The following STAB2 variants were observed in gnomAD, a reference collection of about 807,000 sequenced individuals.
STAB2 encodes stabilin-2.
Under a neutral mutation model 338.1 loss-of-function variants are expected in STAB2, and 288 were observed. That is an observed-to-expected ratio of 0.85 (90% CI 0.77 to 0.94). STAB2 has a LOEUF of 0.94. Ranked by LOEUF, STAB2 falls within the 40% of genes least tolerant of loss-of-function variation. STAB2 has a pLI of 0.00. For missense variants in STAB2, 3,141 were observed against 3,210.1 expected, an observed-to-expected ratio of 0.98 and a Z score of 0.52; for synonymous variants, 1,202 against 1,193.3, an observed-to-expected ratio of 1.01 and a Z score of -0.15.
intron 2 of STAB2, chr12:103,592,163 A>T (rs1360235650): frequency 1.3e-5 from 2 of 152,210 alleles, no homozygotes; most frequent in Admixed American, 1.3e-4. Context: ...GTTAGATTCT[A>T]ATACGATGAT....
chr12:103,630,265 G>A (rs1013922672), intron 5 of STAB2, among the ~76,000 whole-genome samples: 2 of 152,186 alleles, frequency 1.3e-5, no homozygotes, highest in Admixed American at 6.5e-5. Context: ...AGATCAAGGT[G>A]GGAGACAGAG....
intron 57 of STAB2, 43 bp downstream of exon 57, chr12:103,745,320 A>T (rs1349245544): frequency 6.4e-7 from 1 of 1,567,402 alleles, no homozygotes; most frequent in Admixed American, 1.7e-5. Context: ...CCAGGGCTGC[A>T]GTGGACACTG....
chr12:103,594,271 C>G, intron 2 of STAB2, 124 bp from the exon 3 acceptor site: 1 of 664,914 alleles, frequency 1.5e-6, no homozygotes, highest in Non-Finnish European at 2.6e-6. Context: ...CAAATGTGTT[C>G]CATCTAGATA....
At chr12:103,757,936 C>T (rs760208269) in intron 63 of STAB2, 51 of 563,808 alleles carry the variant, frequency 9.0e-5, no homozygotes, top group Non-Finnish European at 1.2e-4. Flanking sequence ...CAAGCAGCCA[C>T]GTGGAGGATG....
In STAB2 at chr12:103,652,699, C is replaced by T. The variant is rs73187902; in HGVS notation, c.1401C>T (p.Ser467=). ...LTGKSGEIFN[S]DKDNQIKLKL... ...GAAAGTCGGGGGAAATCTTCAACAG[C>T]GATAAGGTAAGGGTTCCTCTGATTT... is the stretch of plus-strand genomic sequence containing the variant. Residue 467 remains serine, a synonymous_variant, in exon 12 of 69, where the codon AGC becomes AGT. Coordinates refer to ENST00000388887, the MANE Select transcript of STAB2 (RefSeq NM_017564.10). 2.4e-3 allele frequency: 3,913 copies of T among 1,597,978 alleles called. 19 individuals carry two copies. Among genetic ancestry groups the T allele is most frequent in the Non-Finnish European group, 3.0e-3 (3,534 of 1,173,160 alleles).
At chr12:103,692,953 A>T in intron 31 of STAB2, 64 bp downstream of exon 31, 2 of 1,408,140 alleles carry the variant, frequency 1.4e-6, no homozygotes, top group Non-Finnish European at 9.8e-7. Context: ...ATCGTCCTAT[A>T]CAGCATTTTT....
rs1956844894 is a variant in STAB2 at position 103,594,401 on chromosome 12, C to T, written c.222C>T (p.Thr74=). 1 of 1,613,704 alleles carries T rather than the reference C, an allele frequency of 6.2e-7. No homozygotes were observed. Among genetic ancestry groups the T allele is most frequent in the Non-Finnish European group, 8.5e-7 (1 of 1,179,668 alleles). ...GSVGVRDCRY[T]FEVRTYSLSL... is the part of the protein sequence containing the mutation. ...CCTCTCTTTACCCTCCAAGGTACAC[C>T]TTTGAGGTCAGAACATACTCTCTGT... Residue 74 remains threonine, a synonymous_variant, in exon 3 of 69, where the codon ACC becomes ACT. Transcript: ENST00000388887.
At chr12:103,650,129 A>T (rs1040222770) in intron 10 of STAB2, among the ~76,000 whole-genome samples, 1 of 152,088 alleles carries the variant, frequency 6.6e-6, no homozygotes, top group Non-Finnish European at 1.5e-5. Context: ...GGCCCTGGAT[A>T]AAAACAAGGG....
In STAB2 at chr12:103,640,132, G is replaced by A. The variant is rs12319476; in HGVS notation, c.916G>A (p.Glu306Lys). 2,248 of 1,611,948 alleles carry A rather than the reference G, an allele frequency of 1.4e-3. 22 individuals carry two copies. The African/African-American group carries it at 0.023, about 16-fold the overall frequency. The change falls in exon 9 of 69, where the codon GAG becomes AAG. Residue 306 changes from glutamate to lysine, a missense_variant. Physicochemically the swap from Glu to Lys is moderately conservative, Grantham distance 56 (BLOSUM62 1). Transcript: ENST00000388887. Reference protein sequence around the residue: ...KYDGPGQSHCECKEHYQNFVP... With the variant: ...KYDGPGQSHCKCKEHYQNFVP... ...TTCCTGTCTACTGAAGTCTCACTGC[G>A]AGTGTAAGGAGCATTACCAGAATTT...
intron 3 of STAB2, 142 bp from the exon 4 acceptor site, chr12:103,620,325 TA>T (rs34370574): frequency 1.7e-6 from 1 of 589,974 alleles, no homozygotes; most frequent in Non-Finnish European, 2.7e-6. Context: ...GCCTTTTCTG[TA>T]AAACCCTAGA....
intron 64 of STAB2, 36 bp from the exon 65 acceptor site, chr12:103,759,096 CT>C: frequency 6.2e-7 from 1 of 1,614,038 alleles, no homozygotes; most frequent in South Asian, 1.1e-5. Context: ...ATTGCTTGGC[CT>C]TTGAAGAGCA....
At chr12:103,629,047 G>C (rs1292054053) in intron 5 of STAB2, among the ~76,000 whole-genome samples, 1 of 152,162 alleles carries the variant, frequency 6.6e-6, no homozygotes, top group Non-Finnish European at 1.5e-5. Context: ...CGTAAAAGAT[G>C]TGGGGAAATA....
intron 19 of STAB2, among the ~76,000 whole-genome samples, chr12:103,667,566 G>A (rs1411391185): frequency 6.6e-6 from 1 of 152,148 alleles, no homozygotes; most frequent in Non-Finnish European, 1.5e-5. Flanking sequence ...AGGGAAATTA[G>A]ACACATGGGT....
chr12:103,719,031 G>A (rs536011060), intron 44 of STAB2, among the ~76,000 whole-genome samples: 24 of 152,302 alleles, frequency 1.6e-4, no homozygotes, highest in Non-Finnish European at 8.8e-5. Context: ...CTGCAGGCTG[G>A]ACCCATGTTA....
At chr12:103,738,504 T>C (rs905876308) in intron 53 of STAB2, among the ~76,000 whole-genome samples, 1 of 152,200 alleles carries the variant, frequency 6.6e-6, no homozygotes, top group Admixed American at 6.5e-5. Context: ...ATGGCAAAGT[T>C]TGTCACCAGT....
intron 56 of STAB2, among the ~76,000 whole-genome samples, chr12:103,744,888 CTTATAA>C (rs936614500): frequency 5.3e-5 from 8 of 152,174 alleles, no homozygotes; most frequent in African/African-American, 1.7e-4. Context: ...ATTCATCTCA[CTTATAA>C]TTATATGATC....
At position 103,729,000 on chromosome 12, in the gene STAB2, A is replaced by G. The variant is rs200559420; in HGVS notation, c.5082+5A>G. 1.1e-4 allele frequency: 177 copies of G among 1,613,714 alleles called. No homozygotes were observed. Among genetic ancestry groups the G allele is most frequent in the Admixed American group, 2.0e-4 (12 of 60,006 alleles). ...ATAGTCATCTCCGTCTCTCAGGTAGATGCCAGTTATCCTTAGGTCCTCTCT... is the reference window on the plus strand; with the variant it reads ...ATAGTCATCTCCGTCTCTCAGGTAGGTGCCAGTTATCCTTAGGTCCTCTCT... On this transcript the variant is annotated splice_donor_5th_base_variant and intron_variant, in intron 48 of 68. Coordinates refer to ENST00000388887, the MANE Select transcript of STAB2 (RefSeq NM_017564.10).
chr12:103,715,356 C>T (rs10861077), intron 42 of STAB2, among the ~76,000 whole-genome samples: 3,034 of 152,042 alleles, frequency 0.02, 55 homozygotes, highest in Non-Finnish European at 0.034. Flanking sequence ...AGGAGACACA[C>T]TTTAACACCA....
intron 22 of STAB2, 101 bp from the exon 23 acceptor site, chr12:103,673,806 G>T: frequency 2.4e-6 from 3 of 1,251,184 alleles, no homozygotes; most frequent in South Asian, 1.4e-5. Context: ...AAGAGTGAGT[G>T]GGGGGTGAGA....
Sources: gnomAD v4.1 joint callset for allele counts (sites outside exome capture counted in the v4.1 genomes callset) on GRCh38, gnomAD v4.1.1 for gene constraint, MANE v1.5 for transcripts, NCBI Gene and HGNC (gene_info 2026-07-23, HGNC 2026-07-21) for gene names.